Variants in PDE11A observed in about 807,000 individuals in gnomAD.
PDE11A encodes phosphodiesterase 11A, also known as dual 3',5'-cyclic-AMP and -GMP phosphodiesterase 11A.
PDE11A carries 100 observed loss-of-function variants against 100.5 expected under a neutral mutation model. That is an observed-to-expected ratio of 1.00 (90% CI 0.85 to 1.18). The LOEUF (loss-of-function observed/expected upper bound fraction) is 1.18, where lower values mean the gene tolerates loss of function less well. Among genes scored for constraint, PDE11A ranks in the 50% most tolerant of loss-of-function variants. The pLI, the probability that PDE11A is intolerant of heterozygous loss-of-function variation, is 0.00. For missense variants in PDE11A, 1,141 were observed against 1,152.6 expected (o/e 0.99, Z 0.15); for synonymous variants, 381 against 420.8 (o/e 0.91, Z 1.16).
At chr2:177,675,554 T>C in intron 16 of PDE11A, 36 bp from the exon 17 acceptor site, 1 of 1,559,940 alleles carries the variant, frequency 6.4e-7, no homozygotes, top group Middle Eastern at 1.7e-4. Context: ...GCCTGAATAA[T>C]CTTTTGTTGC....
intron 13 of PDE11A, among the ~76,000 whole-genome samples, 196 bp downstream of exon 13, chr2:177,711,573 C>T (rs2081359566): frequency 6.6e-6 from 1 of 152,160 alleles, no homozygotes; most frequent in Admixed American, 6.5e-5. Flanking sequence ...ACAAGCATGA[C>T]ATGAAGGGCA....
intron 2 of PDE11A, among the ~76,000 whole-genome samples, chr2:177,951,684 C>T (rs2085506969): frequency 6.6e-6 from 1 of 152,092 alleles, no homozygotes; most frequent in Admixed American, 6.6e-5. Context: ...CCTGTTCATG[C>T]AATGGGCAGT....
chr2:177,986,368 C>T (rs1559032881), intron 2 of PDE11A, among the ~76,000 whole-genome samples: 1 of 152,206 alleles, frequency 6.6e-6, no homozygotes. Context: ...AGCCTTTTCA[C>T]AGTCTCTGTG....
At chr2:178,004,092 A>G (rs999744882) in intron 2 of PDE11A, among the ~76,000 whole-genome samples, 1 of 152,170 alleles carries the variant, frequency 6.6e-6, no homozygotes, top group Non-Finnish European at 1.5e-5. Flanking sequence ...GCAAACTTTT[A>G]AAACATATAT....
chr2:177,870,016 G>A (rs1046506071), intron 5 of PDE11A, among the ~76,000 whole-genome samples: 2 of 152,148 alleles, frequency 1.3e-5, no homozygotes, highest in African/African-American at 4.8e-5. Flanking sequence ...CCTGCATCAT[G>A]CACGAGTTTA....
At chr2:178,008,303 A>T (rs921913816) in intron 2 of PDE11A, among the ~76,000 whole-genome samples, 7 of 152,198 alleles carry the variant, frequency 4.6e-5, no homozygotes, top group Admixed American at 2.0e-4. Flanking sequence ...TGACAGAAGA[A>T]ATCTCTTTGC....
chr2:178,026,199 A>G lies in PDE11A; in HGVS notation c.913-11739T>C, dbSNP rs573034502. On this transcript the variant is annotated intron_variant, in intron 1 of 19. Coordinates refer to ENST00000286063, the MANE Select transcript of PDE11A (RefSeq NM_016953.4). ...GAAAAGTGGCCCAAAAATGTAACTG[A>G]TATGTAGGCAGCTATCTCAATCAAA... 7.6e-4 allele frequency among the ~76,000 whole-genome samples: 115 copies of G among 152,298 alleles called. 2 individuals are homozygous for G. The highest frequency in any genetic ancestry group is 5.3e-4 in the Non-Finnish European group (36 of 68,026).
intron 2 of PDE11A, among the ~76,000 whole-genome samples, chr2:178,092,278 C>T (rs1377617046): frequency 6.6e-6 from 1 of 152,228 alleles, no homozygotes; most frequent in Non-Finnish European, 1.5e-5. Context: ...TAGTTTCCTT[C>T]CTTCTCCTCC....
chr2:178,000,486 C>A (rs1208803507), intron 2 of PDE11A, among the ~76,000 whole-genome samples: 1 of 152,172 alleles, frequency 6.6e-6, no homozygotes, highest in Non-Finnish European at 1.5e-5. Flanking sequence ...TGATTTGAGG[C>A]ACAACTTTTT....
chr2:177,714,272 C>G (rs746425825), intron 12 of PDE11A, among the ~76,000 whole-genome samples: 1 of 152,112 alleles, frequency 6.6e-6, no homozygotes, highest in Non-Finnish European at 1.5e-5. Flanking sequence ...GGATTACAGG[C>G]GTGAGCCACT....
In PDE11A at chr2:177,920,903, A is replaced by T. The variant is rs182563163; in HGVS notation, c.1072-15716T>A. Among the ~76,000 whole-genome samples the T allele has an allele frequency of 3.2e-3, 489 of 152,122 alleles. 7 individuals carry two copies. The highest frequency in any genetic ancestry group is 0.014 in the East Asian group (71 of 5,164). On this transcript the variant is annotated intron_variant, in intron 2 of 19. Coordinates refer to ENST00000286063, the MANE Select transcript of PDE11A (RefSeq NM_016953.4). ...CAGTGAAACCCTGTCTCTACTAAAA[A>T]TACAAAAAATTAGCCGGGCGTGGTG...
intron 15 of PDE11A, among the ~76,000 whole-genome samples, chr2:177,685,521 T>G (rs1427317373): frequency 6.6e-6 from 1 of 152,186 alleles, no homozygotes; most frequent in East Asian, 1.9e-4. Context: ...TGTGACTAAC[T>G]CATTGCAGAA....
chr2:177,896,840 G>T lies in PDE11A; in HGVS notation c.1302+1218C>A, dbSNP rs377309759. Among the ~76,000 whole-genome samples the T allele has an allele frequency of 4.5e-4, 68 of 152,300 alleles. 2 individuals are homozygous for T. In the South Asian group the frequency reaches 0.013, roughly 30 times the overall value. On this transcript the variant is annotated intron_variant, in intron 4 of 19. Transcript: ENST00000286063. ...ATGGCCTATTGGAGTGTGTGTGTGT[G>T]TGCATGTTCTCCCAAGGTTCAGCTG...
At chr2:178,080,829 G>GCCAA (rs2087276182) in intron 2 of PDE11A, among the ~76,000 whole-genome samples, 1 of 151,712 alleles carries the variant, frequency 6.6e-6, no homozygotes, top group Non-Finnish European at 1.5e-5. Context: ...AAAAAAACAT[G>GCCAA]CCAACCCTCA....
intron 9 of PDE11A, among the ~76,000 whole-genome samples, chr2:177,776,916 G>T (rs1047300243): frequency 6.6e-6 from 1 of 152,014 alleles, no homozygotes; most frequent in Admixed American, 6.6e-5. Context: ...ACTGAAGCAT[G>T]GGGGGGCAGT....
chr2:177,673,290 T>C (rs1217190462), intron 17 of PDE11A, among the ~76,000 whole-genome samples: 3 of 152,190 alleles, frequency 2.0e-5, no homozygotes, highest in African/African-American at 7.2e-5. Flanking sequence ...AGAAGGCAGT[T>C]TGACCTTCAG....
intron 10 of PDE11A, among the ~76,000 whole-genome samples, chr2:177,734,660 G>A (rs1448056471): frequency 6.6e-6 from 1 of 151,994 alleles, no homozygotes; most frequent in Non-Finnish European, 1.5e-5. Context: ...CAGTGGGCAA[G>A]AAACTAAAGT....
intron 1 of PDE11A, among the ~76,000 whole-genome samples, chr2:178,029,944 C>G (rs1190121838): frequency 6.6e-6 from 1 of 152,116 alleles, no homozygotes; most frequent in Non-Finnish European, 1.5e-5. Context: ...ATGCCTTCCA[C>G]CATGTTATGC....
intron 9 of PDE11A, among the ~76,000 whole-genome samples, chr2:177,815,367 G>T (rs2083020081): frequency 6.6e-6 from 1 of 152,110 alleles, no homozygotes; most frequent in Non-Finnish European, 1.5e-5. Flanking sequence ...AAATAGTTCT[G>T]CACACAGACC....
Sources: allele counts gnomAD v4.1 joint callset (sites outside exome capture counted in the v4.1 genomes callset), GRCh38; gene constraint gnomAD v4.1.1; transcripts MANE v1.5; gene names NCBI Gene and HGNC (gene_info 2026-07-23, HGNC 2026-07-21).